Variants in COL22A1 observed in about 807,000 individuals in gnomAD.
The protein encoded by COL22A1 is collagen alpha-1(XXII) chain.
A neutral mutation model predicts 248.9 loss-of-function variants in COL22A1; 221 were observed. That is an observed-to-expected ratio of 0.89 (90% CI 0.80 to 0.99). COL22A1 has a LOEUF of 0.99. Ranked by LOEUF, COL22A1 falls within the 50% of genes least tolerant of loss-of-function variation. The pLI is 0.00. For missense variants in COL22A1, 2,240 were observed against 2,179.0 expected (o/e 1.03, Z -0.56); for synonymous variants, 891 against 793.4 (o/e 1.12, Z -2.07).
chr8:138,778,630 G>A (rs1814691349), intron 14 of COL22A1, among the ~76,000 whole-genome samples: 1 of 152,176 alleles, frequency 6.6e-6, no homozygotes, highest in Non-Finnish European at 1.5e-5. Flanking sequence ...GTGGAGCCCT[G>A]ATTCACACCC....
At chr8:138,679,564 G>A in intron 40 of COL22A1, 53 bp downstream of exon 40, 1 of 1,489,168 alleles carries the variant, frequency 6.7e-7, no homozygotes, top group Non-Finnish European at 9.4e-7. Flanking sequence ...AGCTGCCTCT[G>A]CCTGTCTTGT....
chr8:138,737,712 G>A, intron 22 of COL22A1, 135 bp from the exon 23 acceptor site: 1 of 628,384 alleles, frequency 1.6e-6, no homozygotes. Flanking sequence ...CCTCAGGAGT[G>A]CCCCACAGAG....
At chr8:138,679,487 T>G (rs1444955953) in intron 40 of COL22A1, 130 bp downstream of exon 40, 11 of 773,494 alleles carry the variant, frequency 1.4e-5, no homozygotes, top group Middle Eastern at 2.3e-4. Flanking sequence ...TCTTCTTCCA[T>G]CCATGTTCTA....
chr8:138,702,930 C>A (rs76788910), intron 31 of COL22A1, among the ~76,000 whole-genome samples: 128 of 152,250 alleles, frequency 8.4e-4, no homozygotes, highest in Non-Finnish European at 1.6e-3. Flanking sequence ...ACTCACCATG[C>A]CCACCCTAAC....
chr8:138,713,545 G>A (rs940307907), intron 30 of COL22A1, among the ~76,000 whole-genome samples: 1 of 152,168 alleles, frequency 6.6e-6, no homozygotes, highest in East Asian at 1.9e-4. Flanking sequence ...ATAGGCCCGT[G>A]GACAAACATC....
chr8:138,632,398 G>T (rs767650302), intron 49 of COL22A1, among the ~76,000 whole-genome samples: 2 of 152,192 alleles, frequency 1.3e-5, no homozygotes, highest in Non-Finnish European at 2.9e-5. Context: ...GTTAGCACCA[G>T]AGAAATGCTA....
At chr8:138,783,760 A>C (rs567388028) in intron 12 of COL22A1, among the ~76,000 whole-genome samples, 5 of 152,338 alleles carry the variant, frequency 3.3e-5, no homozygotes, top group African/African-American at 1.2e-4. Flanking sequence ...TTCCAAAGGA[A>C]ATGGGGATTC....
At chr8:138,745,625 A>G (rs71532175) in intron 22 of COL22A1, among the ~76,000 whole-genome samples, 8 of 152,228 alleles carry the variant, frequency 5.3e-5, no homozygotes, top group African/African-American at 1.9e-4. Flanking sequence ...GAAAACAAAA[A>G]CAAATTCTCA....
At chr8:138,806,181 G>GCTGTGTGGTGTGTGTGTGAGATGGTGC (rs1817703048) in intron 10 of COL22A1, among the ~76,000 whole-genome samples, 1 of 52,568 alleles carries the variant, frequency 1.9e-5, no homozygotes. Flanking sequence ...TGTAAGTAAT[G>GCTGTGTGGTGTGTGTGTGAGATGGTGC]GTGTGTGATG....
intron 40 of COL22A1, among the ~76,000 whole-genome samples, chr8:138,676,866 G>A (rs1185256776): frequency 1.3e-5 from 2 of 152,080 alleles, no homozygotes; most frequent in Non-Finnish European, 2.9e-5. Flanking sequence ...GACCACTCCC[G>A]GACCAACCTT....
intron 59 of COL22A1, 124 bp from the exon 60 acceptor site, chr8:138,602,283 C>A: frequency 1.1e-6 from 1 of 912,806 alleles, no homozygotes; most frequent in Non-Finnish European, 1.7e-6. Context: ...TAAGGTCCCC[C>A]GAGGGCTCCT....
chr8:138,690,261 T>C (rs891473045), intron 36 of COL22A1, among the ~76,000 whole-genome samples: 6 of 152,176 alleles, frequency 3.9e-5, no homozygotes, highest in Non-Finnish European at 8.8e-5. Flanking sequence ...AATGTTCAAG[T>C]CTAAATTGGT....
intron 18 of COL22A1, among the ~76,000 whole-genome samples, chr8:138,758,505 A>C (rs544226861): frequency 6.6e-6 from 1 of 152,366 alleles, no homozygotes; most frequent in South Asian, 2.1e-4. Flanking sequence ...AAATCATCGA[A>C]TGGACAGGCA....
At chr8:138,785,937 G>A (rs1011132018) in intron 12 of COL22A1, among the ~76,000 whole-genome samples, 1 of 152,148 alleles carries the variant, frequency 6.6e-6, no homozygotes, top group Non-Finnish European at 1.5e-5. Flanking sequence ...AATTAGTCTT[G>A]TGTAAGCCCC....
intron 45 of COL22A1, among the ~76,000 whole-genome samples, chr8:138,651,487 T>G (rs72727848): frequency 0.027 from 4,116 of 152,292 alleles, 182 homozygotes; most frequent in East Asian, 0.17. Context: ...CCATCTTCTT[T>G]TAGTGGTTAG....
chr8:138,862,026 T>TA (rs386414193), intron 3 of COL22A1, among the ~76,000 whole-genome samples: 2,607 of 93,266 alleles, frequency 0.028, 144 homozygotes, highest in African/African-American at 0.1. Context: ...CTGTCTCTAC[T>TA]AAAAAAAAAA....
At chr8:138,878,885 A>G (rs1005469516) in intron 2 of COL22A1, among the ~76,000 whole-genome samples, 3 of 152,046 alleles carry the variant, frequency 2.0e-5, no homozygotes, top group African/African-American at 7.2e-5. Flanking sequence ...GTGGGCGCCT[A>G]TAGTCCCAGC....
At position 138,720,763 on chromosome 8, in the gene COL22A1, A is replaced by G. The variant is rs1829810830; in HGVS notation, c.2331T>C (p.Gly777=). 4 of 1,614,042 alleles carry G rather than the reference A, an allele frequency of 2.5e-6. No individual in the cohort carries two copies. In the East Asian group the frequency reaches 8.9e-5, roughly 36 times the overall value. The change falls in exon 27 of 65, where the codon GGT becomes GGC. Residue 777 remains glycine (G), a synonymous_variant. Coordinates refer to ENST00000303045, the MANE Select transcript of COL22A1 (RefSeq NM_152888.3). The part of the protein sequence containing the change: ...KGEPGERGED[G]LPGKPGLRGE... ...CCCGAAGGCCTGGTTTTCCAGGCAG[A>G]CCATCTTCCCCTCTTTCTCCTGGTT...
At chr8:138,716,780 GAATGAATGAATAA>G (rs746092915) in intron 28 of COL22A1, 32 bp downstream of exon 28, 52 of 1,407,138 alleles carry the variant, frequency 3.7e-5, no homozygotes, top group Non-Finnish European at 4.8e-5. Context: ...GTATAACAAT[GAATGAATGAATAA>G]AATGAATGAA....
Sources: allele counts gnomAD v4.1 joint callset (sites outside exome capture counted in the v4.1 genomes callset), GRCh38; gene constraint gnomAD v4.1.1; transcripts MANE v1.5; gene names NCBI Gene and HGNC (gene_info 2026-07-23, HGNC 2026-07-21).